Variants in OTOA observed in about 807,000 individuals in gnomAD.
OTOA encodes cancer/testis antigen 108.
OTOA carries 70 observed loss-of-function variants against 110.8 expected under a neutral mutation model. The observed-to-expected ratio is 0.63, with a 90% CI of 0.52 to 0.77. The LOEUF (loss-of-function observed/expected upper bound fraction) is 0.77, where lower values mean the gene tolerates loss of function less well. Among genes scored for constraint, OTOA ranks in the 30% least tolerant of loss-of-function variants. The pLI is 0.00. For synonymous variants in OTOA, 373 were observed against 431.5 expected (o/e 0.86, Z 1.68); for missense variants, 917 against 1,075.8 (o/e 0.85, Z 2.06).
In OTOA at chr16:21,701,034, G is replaced by T. The variant is rs375743330; in HGVS notation, c.980+7G>T. The T allele has an allele frequency of 6.2e-7, 1 of 1,614,126 alleles. No homozygotes were observed. Among genetic ancestry groups the T allele is most frequent in the Non-Finnish European group, 8.5e-7 (1 of 1,180,036 alleles). ...ATACCTCCACCATCCACAGGCAAGC[G>T]CATGAGCTCTGGGCCTTGGAGCCCT... On this transcript the variant is annotated splice_region_variant and intron_variant, in intron 11 of 28. Coordinates refer to ENST00000646100, the MANE Select transcript of OTOA (RefSeq NM_144672.4).
At chr16:21,675,201 G>A (rs954008356) in intron 1 of OTOA, among the ~76,000 whole-genome samples, 13 of 141,508 alleles carry the variant, frequency 9.2e-5, no homozygotes, top group African/African-American at 2.9e-4. Context: ...CTAGGCTGGA[G>A]TGCAGTGGTG....
At position 21,677,642 on chromosome 16, in the gene OTOA, C is replaced by T. The variant is rs947156649; in HGVS notation, c.-4-869C>T. Among the ~76,000 whole-genome samples, 5 of 151,800 alleles carry T rather than the reference C, an allele frequency of 3.3e-5. 1 individual carries two copies. Among genetic ancestry groups the T allele is most frequent in the African/African-American group, 7.2e-5 (3 of 41,432 alleles). On this transcript the variant is annotated intron_variant, in intron 1 of 28. Coordinates refer to ENST00000646100, the MANE Select transcript of OTOA (RefSeq NM_144672.4). The stretch of plus-strand genomic sequence containing the variant: ...GACTACAGGCGCCCGCCACCACGCC[C>T]GTCTAATTTTTTTGTATTTTTATTA...
chr16:21,749,528 CA>C (rs574262242), intron 24 of OTOA, among the ~76,000 whole-genome samples: 1 of 133,982 alleles, frequency 7.5e-6, no homozygotes, highest in African/African-American at 3.1e-5. Context: ...GACGCTGTCT[CA>C]AAAAAAAAAA....
intron 1 of OTOA, among the ~76,000 whole-genome samples, chr16:21,664,766 G>A (rs541573697): frequency 1.1e-3 from 163 of 152,142 alleles, no homozygotes; most frequent in South Asian, 2.5e-3. Context: ...GAGGCCAGGA[G>A]TTCGAGACCA....
intron 24 of OTOA, among the ~76,000 whole-genome samples, chr16:21,751,383 G>GA (rs1390310219): frequency 3.7e-5 from 1 of 26,876 alleles, no homozygotes; most frequent in East Asian, 9.8e-4. Context: ...CAAAAAGCCA[G>GA]ATGTGGTGAT....
intron 6 of OTOA, among the ~76,000 whole-genome samples, chr16:21,683,772 A>AT (rs75007819): frequency 2.8e-4 from 40 of 144,254 alleles, no homozygotes; most frequent in East Asian, 1.6e-3. Flanking sequence ...ATAATGAGTG[A>AT]TTTTTTTTTT....
At chr16:21,702,054 A>C (rs1197920256) in intron 11 of OTOA, among the ~76,000 whole-genome samples, 1 of 148,902 alleles carries the variant, frequency 6.7e-6, no homozygotes, top group Non-Finnish European at 1.5e-5. Flanking sequence ...GATTCAAGAG[A>C]TCCTCCTGCC....
intron 9 of OTOA, among the ~76,000 whole-genome samples, chr16:21,696,079 G>C (rs931797197): frequency 2.0e-5 from 3 of 151,194 alleles, no homozygotes; most frequent in Middle Eastern, 6.3e-3. Flanking sequence ...AGTTTTATTA[G>C]AGATGGGGTT....
At chr16:21,690,724 G>C (rs1047375983) in intron 8 of OTOA, among the ~76,000 whole-genome samples, 3 of 151,912 alleles carry the variant, frequency 2.0e-5, no homozygotes, top group African/African-American at 4.8e-5. Flanking sequence ...GGGATTGCTG[G>C]GTCAAATGGT....
chr16:21,706,473 T>C (rs1444426175), intron 12 of OTOA, among the ~76,000 whole-genome samples: 6 of 152,204 alleles, frequency 3.9e-5, no homozygotes, highest in Admixed American at 3.3e-4. Context: ...AGGTATGGCC[T>C]GATTTTAATG....
At chr16:21,704,869 T>A (rs892916208) in intron 11 of OTOA, 2 of 769,058 alleles carry the variant, frequency 2.6e-6, no homozygotes, top group Admixed American at 3.4e-5. Context: ...TGCTGGGAGG[T>A]GTGATCTGAT....
intron 1 of OTOA, among the ~76,000 whole-genome samples, chr16:21,672,091 C>T (rs1001946687): frequency 2.0e-5 from 3 of 152,048 alleles, no homozygotes; most frequent in African/African-American, 7.2e-5. Context: ...GAAGATTATT[C>T]TAGGTAACCT....
rs539074514 is a variant in OTOA at position 21,718,689 on chromosome 16, A to G, written c.1630-444A>G. Among the ~76,000 whole-genome samples the G allele has an allele frequency of 4.9e-4, 75 of 152,304 alleles. 1 individual carries two copies. The highest frequency in any genetic ancestry group is 3.1e-3 in the Admixed American group (48 of 15,292). ...GCTCATTGGGGGGTGGTTTGAAGAC[A>G]GTGCATGCTGCTAGCTGCAGGTACT... On this transcript the variant is annotated intron_variant, in intron 15 of 28. Coordinates refer to ENST00000646100, the MANE Select transcript of OTOA (RefSeq NM_144672.4).
At chr16:21,729,701 C>G (rs1042233347) in intron 20 of OTOA, 9 of 152,348 alleles carry the variant, frequency 5.9e-5, no homozygotes, top group African/African-American at 2.2e-4. Context: ...CTGGCAACCA[C>G]TGATACTTTT....
chr16:21,700,175 A>C (rs1898023416), intron 10 of OTOA, among the ~76,000 whole-genome samples: 1 of 152,126 alleles, frequency 6.6e-6, no homozygotes, highest in South Asian at 2.1e-4. Flanking sequence ...TGTGTCTTAC[A>C]AAGAGAACAC....
At chr16:21,717,434 C>T (rs1361838708) in intron 15 of OTOA, among the ~76,000 whole-genome samples, 1 of 152,082 alleles carries the variant, frequency 6.6e-6, no homozygotes, top group South Asian at 2.1e-4. Flanking sequence ...GAGCGAGACC[C>T]TGTCTCTTAA....
chr16:21,705,180 T>G lies in OTOA; in HGVS notation c.992T>G (p.Leu331Arg). 6.2e-7 allele frequency: 1 copy of G among 1,614,184 alleles called. No individual in the cohort carries two copies. The highest frequency in any genetic ancestry group is 1.1e-5 in the South Asian group (1 of 91,086). ...NTSTIHRLGLLVCFYNDLELL... is the reference protein window; with the variant it reads ...NTSTIHRLGLRVCFYNDLELL... ...CTCTTCTCACACAGGCTGGGGCTGC[T>G]GGTTTGTTTCTACAATGACCTGGAA... The change falls in exon 12 of 29, where the codon CTG (leucine) becomes CGG (arginine). Residue 331 changes from leucine to arginine, a missense_variant. Coordinates refer to ENST00000646100, the MANE Select transcript of OTOA (RefSeq NM_144672.4).
intron 9 of OTOA, among the ~76,000 whole-genome samples, chr16:21,695,891 A>ATATATATATATATAT (rs569493650): frequency 2.4e-5 from 1 of 41,904 alleles, no homozygotes; most frequent in Non-Finnish European, 3.7e-5. Flanking sequence ...ATATATATAT[A>ATATATATATATATAT]TTTTTTTTTT....
At chr16:21,715,995 C>T (rs1567385937) in intron 14 of OTOA, among the ~76,000 whole-genome samples, 1 of 152,030 alleles carries the variant, frequency 6.6e-6, no homozygotes, top group Non-Finnish European at 1.5e-5. Flanking sequence ...CTGCAGCCTC[C>T]ACCTCTGGGG....
Sources: gnomAD v4.1 joint callset for allele counts (sites outside exome capture counted in the v4.1 genomes callset) on GRCh38, gnomAD v4.1.1 for gene constraint, MANE v1.5 for transcripts, NCBI Gene and HGNC (gene_info 2026-07-23, HGNC 2026-07-21) for gene names.